Variants in STAB1 observed in about 807,000 individuals in gnomAD.
The protein encoded by STAB1 is stabilin 1, also known as stabilin-1.
STAB1 carries 250 observed loss-of-function variants against 332.4 expected under a neutral mutation model. The ratio of observed to expected loss-of-function variants is 0.75; its 90% CI spans 0.68 to 0.84. The LOEUF is 0.84. Ranked by LOEUF, STAB1 falls within the 40% of genes least tolerant of loss-of-function variation. The pLI is 0.00. For synonymous variants in STAB1, 1,475 were observed against 1,390.4 expected, an observed-to-expected ratio of 1.06 and a Z score of -1.35; for missense variants, 3,249 against 3,489.7, an observed-to-expected ratio of 0.93 and a Z score of 1.74.
In STAB1 at chr3:52,518,785, T is replaced by C. The variant is rs1227871393; in HGVS notation, c.4950T>C (p.Cys1650=). 1.9e-6 allele frequency: 3 copies of C among 1,612,222 alleles called. No individual in the cohort carries two copies. The highest frequency in any genetic ancestry group is 2.5e-6 in the Non-Finnish European group (3 of 1,179,800). Residue 1650 remains cysteine (C), a synonymous_variant, in exon 48 of 69, where the codon TGT becomes TGC. Coordinates refer to ENST00000321725, the MANE Select transcript of STAB1 (RefSeq NM_015136.3). ...TGTTTCGCTACCACGTGGTTGGCTG[T>C]CGGCGGCTGCGGAGCGAGGACCTGC... ...QLVFRYHVVG[C]RRLRSEDLLE...
At position 52,522,053 on chromosome 3, in the gene STAB1, G is replaced by A. The variant is rs765087627; in HGVS notation, c.6288G>A (p.Gln2096=). Residue 2096 remains glutamine, a synonymous_variant, in exon 59 of 69, where the codon CAG becomes CAA. Coordinates refer to ENST00000321725, the MANE Select transcript of STAB1 (RefSeq NM_015136.3). The stretch of plus-strand genomic sequence containing the variant: ...TGCCCTCAGTGGCAGACCTGTGCCA[G>A]GACGGGCATGGTGGCTGCAGTGAGC... ...GRVCTVADLC[Q]DGHGGCSEHA... The A allele has an allele frequency of 6.2e-7, 1 of 1,613,388 alleles. No individual in the cohort carries two copies.
At chr3:52,518,213 A>T in intron 45 of STAB1, 99 bp from the exon 46 acceptor site, 1 of 1,574,444 alleles carries the variant, frequency 6.4e-7, no homozygotes, top group Non-Finnish European at 8.7e-7. Context: ...TCCTTTCCTC[A>T]TGTCTGCCTT....
In STAB1 at chr3:52,518,605, C is replaced by T. The variant is rs2078956302; in HGVS notation, c.4879C>T (p.Leu1627=). The T allele has an allele frequency of 6.2e-7, 1 of 1,606,406 alleles. No individual in the cohort carries two copies. Residue 1627 remains leucine, a synonymous_variant, in exon 47 of 69, where the codon CTG becomes TTG. Transcript: ENST00000321725. ...FVPHADLMSN[L]SQDELARIRA... The stretch of plus-strand genomic sequence containing the variant: ...GCCGCACGCAGATCTAATGAGCAAC[C>T]TGTCGCAGGTATGCAGCCCCCAGAG...
chr3:52,524,172 A>C lies in STAB1; in HGVS notation c.7615A>C (p.Asn2539His). The change falls in exon 68 of 69, where the codon AAC becomes CAC. Residue 2539 changes from asparagine (N) to histidine (H), a missense_variant. Physicochemically the swap from Asn to His is moderately conservative, Grantham distance 68. Transcript: ENST00000321725. ...GTNPTLVSVP[N>H]PVFGSDTFCE... ...CAACCCCACCCTGGTCTCTGTCCCC[A>C]ACCCTGTCTTTGGCAGCGACACCTT... 1 of 1,614,070 alleles carries C rather than the reference A, an allele frequency of 6.2e-7. No homozygotes were observed. Among genetic ancestry groups the C allele is most frequent in the Non-Finnish European group, 8.5e-7 (1 of 1,180,026 alleles).
Position 52,511,638 on chromosome 3 carries a change from T to C in STAB1, c.2788-12T>C. 1 of 1,606,486 alleles carries C rather than the reference T, an allele frequency of 6.2e-7. No individual in the cohort carries two copies. Among genetic ancestry groups the C allele is most frequent in the Non-Finnish European group, 8.5e-7 (1 of 1,175,996 alleles). ...ATCATGAGACAAGGCCGTCTGTTCC[T>C]AACCTTTCCAGAGCCGATGCACCTG... On this transcript the variant is annotated splice_polypyrimidine_tract_variant and intron_variant, in intron 25 of 68. Transcript: ENST00000321725.
At position 52,514,843 on chromosome 3, in the gene STAB1, G is replaced by A. The variant is rs2078803156; in HGVS notation, c.3807+14G>A. On this transcript the variant is annotated intron_variant, in intron 35 of 68. Coordinates refer to ENST00000321725, the MANE Select transcript of STAB1 (RefSeq NM_015136.3). ...GAGGCCCTGCGGGTGAGAGGCTGGG[G>A]CCACAGGAAGGCCGGCACGGGAGTT... The A allele has an allele frequency of 4.3e-6, 7 of 1,612,736 alleles. No individual in the cohort carries two copies. The highest frequency in any genetic ancestry group is 2.2e-5 in the East Asian group (1 of 44,902).
chr3:52,509,039 T>A (rs1709096530), intron 21 of STAB1, among the ~76,000 whole-genome samples, 171 bp from the exon 22 acceptor site: 3 of 152,202 alleles, frequency 2.0e-5, no homozygotes, highest in Admixed American at 1.3e-4. Context: ...GCCAGGTGCC[T>A]TTTAGGGGCT....
chr3:52,501,516 C>T (rs1708440401), intron 2 of STAB1, 122 bp from the exon 3 acceptor site: 1 of 1,135,494 alleles, frequency 8.8e-7, no homozygotes, highest in South Asian at 1.5e-5. Context: ...AGGCCCTGTG[C>T]TCAGCTCTGG....
chr3:52,508,753 C>T (rs192392568), intron 21 of STAB1, among the ~76,000 whole-genome samples: 2,134 of 152,058 alleles, frequency 0.014, 18 homozygotes, highest in South Asian at 0.036. Flanking sequence ...ACCTGGGAGG[C>T]GGAGGTTGCA....
In STAB1 at chr3:52,499,643, T is replaced by C. The variant is rs372897741; in HGVS notation, c.79-1523T>C. 6.0e-4 allele frequency among the ~76,000 whole-genome samples: 91 copies of C among 150,576 alleles called. 1 individual carries two copies. Among genetic ancestry groups the C allele is most frequent in the Non-Finnish European group, 1.1e-3 (72 of 67,294 alleles). On this transcript the variant is annotated intron_variant, in intron 1 of 68. Transcript: ENST00000321725. Reference sequence around the variant, plus strand: ...GGCCGGGCGCGGTGGCTCACGCCTGTAATCCCAGCACTTTGGGAGGCCGAG... The same window carrying C: ...GGCCGGGCGCGGTGGCTCACGCCTGCAATCCCAGCACTTTGGGAGGCCGAG...
At position 52,516,725 on chromosome 3, in the gene STAB1, C is replaced by A. The variant is rs533866603; in HGVS notation, c.4320C>A (p.Cys1440Ter). ...AGGACTCGGCCGGAGCCTCCACCTGCGCCTGTGCTGCGGGATACTCCGGCA... is the reference window on the plus strand; with the variant it reads ...AGGACTCGGCCGGAGCCTCCACCTGAGCCTGTGCTGCGGGATACTCCGGCA... ...CVQDSAGAST[C>*]ACAAGYSGNG... The change falls in exon 41 of 69, where the codon TGC (cysteine) becomes TGA (stop). Residue 1440 changes from cysteine to a stop codon, truncating the protein, a stop_gained. Coordinates refer to ENST00000321725, the MANE Select transcript of STAB1 (RefSeq NM_015136.3). LOFTEE classifies it high-confidence loss of function. The A allele has an allele frequency of 3.1e-6, 5 of 1,611,868 alleles. No individual in the cohort carries two copies. The highest frequency in any genetic ancestry group is 4.2e-6 in the Non-Finnish European group (5 of 1,179,828).
chr3:52,517,143 G>A (rs1262872616), intron 42 of STAB1, 34 bp downstream of exon 42: 1 of 1,518,580 alleles, frequency 6.6e-7, no homozygotes, highest in Non-Finnish European at 8.8e-7. Context: ...GTTTATGTTG[G>A]GCTAGGGGTC....
intron 18 of STAB1, 64 bp from the exon 19 acceptor site, chr3:52,507,549 T>G: frequency 6.6e-7 from 1 of 1,524,250 alleles, no homozygotes; most frequent in Non-Finnish European, 9.0e-7. Flanking sequence ...TTCCCTTCTC[T>G]GGGTTTGCCG....
chr3:52,523,818 G>T (rs982645707), intron 66 of STAB1, 53 bp from the exon 67 acceptor site: 4 of 1,583,548 alleles, frequency 2.5e-6, no homozygotes, highest in Non-Finnish European at 3.4e-6. Flanking sequence ...TGAGCCCGGG[G>T]AAGGTGGTGG....
intron 48 of STAB1, among the ~76,000 whole-genome samples, 183 bp downstream of exon 48, chr3:52,519,052 G>C (rs1200511406): frequency 6.6e-6 from 1 of 151,998 alleles, no homozygotes; most frequent in East Asian, 1.9e-4. Flanking sequence ...CTGTGGGCCT[G>C]TCCTGCCCAG....
rs949976294 is a variant in STAB1, at chr3:52,515,167, TGGGTGGCTGACGTCCCCATA to T, written c.3864+124_3864+143del. ...GCCCAGGCATCCAGGCTCAGGGAACTGGGTGGCTGACGTCCCCATAGAGGTCTGGAGGGCTGGCCTGGCTC... is the reference window on the plus strand; with the variant it reads ...GCCCAGGCATCCAGGCTCAGGGAACTGAGGTCTGGAGGGCTGGCCTGGCTC... On this transcript the variant is annotated intron_variant, in intron 36 of 68. Transcript: ENST00000321725. The T allele has an allele frequency of 3.2e-5, 42 of 1,307,328 alleles. No individual in the cohort carries two copies. In the African/African-American group the frequency reaches 5.4e-4, roughly 17 times the overall value. The allele number at this position is 1,307,328 out of a possible 1,614,324, so 81.0% of individuals were successfully genotyped here.
intron 48 of STAB1, among the ~76,000 whole-genome samples, 192 bp from the exon 49 acceptor site, chr3:52,519,072 G>A (rs1306614764): frequency 2.6e-5 from 4 of 151,802 alleles, no homozygotes; most frequent in African/African-American, 9.7e-5. Context: ...GCGCCCTTGT[G>A]TCCTTCCGAG....
In STAB1 at chr3:52,510,213, A is replaced by T. The variant is rs760704001; in HGVS notation, c.2606A>T (p.Asp869Val). The change falls in exon 24 of 69, where the codon GAC (aspartate) becomes GTC (valine). Residue 869 changes from aspartate (D) to valine (V), a missense_variant. Physicochemically the swap from Asp to Val is radical, Grantham distance 152. Transcript: ENST00000321725. ...CCTAGCAACCCCTGCTCCCACCCGGACCGTGGAGGCTGCTCAGAGAATGTC... is the reference window on the plus strand; with the variant it reads ...CCTAGCAACCCCTGCTCCCACCCGGTCCGTGGAGGCTGCTCAGAGAATGTC... ...CTPSNPCSHP[D>V]RGGCSENAEC... 2 of 1,613,928 alleles carry T rather than the reference A, an allele frequency of 1.2e-6. No homozygotes were observed. Among genetic ancestry groups the T allele is most frequent in the Non-Finnish European group, 1.7e-6 (2 of 1,180,010 alleles).
chr3:52,501,748 G>T lies in STAB1; in HGVS notation c.326G>T (p.Cys109Phe). The part of the protein sequence containing the change: ...ACCPGYWGSR[C>F]HECPGGAETP... The stretch of plus-strand genomic sequence containing the variant: ...TGCCCTGGCTACTGGGGTTCCCGGT[G>T]CCATGGTATGGGAGAAAGGGGGACC... The change falls in exon 3 of 69, where the codon TGC (cysteine) becomes TTC (phenylalanine). Residue 109 changes from cysteine (C) to phenylalanine (F), a missense_variant. Physicochemically the swap from Cys to Phe is radical, Grantham distance 205. Transcript: ENST00000321725. The T allele has an allele frequency of 1.3e-6, 2 of 1,559,506 alleles. No homozygotes were observed. The highest frequency in any genetic ancestry group is 1.7e-6 in the Non-Finnish European group (2 of 1,152,460).
Sources: gnomAD v4.1 joint callset for allele counts (sites outside exome capture counted in the v4.1 genomes callset) on GRCh38, gnomAD v4.1.1 for gene constraint, MANE v1.5 for transcripts, NCBI Gene and HGNC (gene_info 2026-07-23, HGNC 2026-07-21) for gene names.